Variants in RFTN2 observed in about 807,000 individuals in gnomAD.
RFTN2 encodes raftlin family member 2.
Under a neutral mutation model 52.7 loss-of-function variants are expected in RFTN2, and 34 were observed. The observed-to-expected ratio is 0.64, with a 90% CI of 0.49 to 0.86. The LOEUF is 0.86. Ranked by LOEUF, RFTN2 falls within the 40% of genes least tolerant of loss-of-function variation. RFTN2 has a pLI of 0.00. For missense variants in RFTN2, 536 were observed against 600.1 expected (o/e 0.89, Z 1.12); for synonymous variants, 203 against 217.7 (o/e 0.93, Z 0.59).
chr2:197,574,475 C>T (rs745587727), intron 8 of RFTN2, among the ~76,000 whole-genome samples: 90 of 152,176 alleles, frequency 5.9e-4, no homozygotes, highest in Non-Finnish European at 1.1e-3. Flanking sequence ...TAGGAAGTAA[C>T]TAACCTGCTT....
chr2:197,592,202 A>AT (rs923312117), intron 8 of RFTN2, among the ~76,000 whole-genome samples: 3 of 150,812 alleles, frequency 2.0e-5, no homozygotes, highest in East Asian at 3.9e-4. Flanking sequence ...CAAGAGAAAA[A>AT]TTTTTTTTTT....
chr2:197,656,200 A>G (rs1441019288), intron 1 of RFTN2, among the ~76,000 whole-genome samples: 1 of 152,136 alleles, frequency 6.6e-6, no homozygotes, highest in South Asian at 2.1e-4. Flanking sequence ...AATCCTCCTT[A>G]TATGGTTGTT....
Position 197,646,601 on chromosome 2 carries a change from A to G in RFTN2, c.205T>C (p.Tyr69His). 6.2e-7 allele frequency: 1 copy of G among 1,613,046 alleles called. No individual in the cohort carries two copies. Among genetic ancestry groups the G allele is most frequent in the Non-Finnish European group, 8.5e-7 (1 of 1,178,988 alleles). Reference protein sequence around the residue: ...ILDIVTKVENYYLKGYIVGAI... With the variant: ...ILDIVTKVENHYLKGYIVGAI... ...CCGACAATATATCCTTTAAGATAATAGTTTTCCACTTTTGTTACTATATCC... is the reference window on the plus strand; with the variant it reads ...CCGACAATATATCCTTTAAGATAATGGTTTTCCACTTTTGTTACTATATCC... Residue 69 changes from tyrosine (Y) to histidine (H), a missense_variant, in exon 2 of 9, where the codon TAT (tyrosine) becomes CAT (histidine). Transcript: ENST00000295049.
chr2:197,598,621 C>T (rs1309689489), intron 7 of RFTN2, among the ~76,000 whole-genome samples: 2 of 152,200 alleles, frequency 1.3e-5, no homozygotes, highest in African/African-American at 2.4e-5. Context: ...TGACCTACGG[C>T]AGGCTTTACA....
At chr2:197,586,948 A>T (rs1400637200) in intron 8 of RFTN2, among the ~76,000 whole-genome samples, 1 of 151,900 alleles carries the variant, frequency 6.6e-6, no homozygotes, top group African/African-American at 2.4e-5. Flanking sequence ...GAGCACCAAA[A>T]CTCTCCAACC....
chr2:197,607,252 T>C (rs973680876), intron 7 of RFTN2, among the ~76,000 whole-genome samples: 1 of 152,096 alleles, frequency 6.6e-6, no homozygotes, highest in Non-Finnish European at 1.5e-5. Flanking sequence ...ACACCGCATG[T>C]TCTCACTCAC....
At chr2:197,657,036 A>AT (rs1211942380) in intron 1 of RFTN2, among the ~76,000 whole-genome samples, 2 of 105,800 alleles carry the variant, frequency 1.9e-5, no homozygotes, top group South Asian at 6.6e-4. Flanking sequence ...AAAAAAAAAA[A>AT]TTTTTTTTGG....
At chr2:197,603,894 T>C (rs2087919901) in intron 7 of RFTN2, among the ~76,000 whole-genome samples, 1 of 151,946 alleles carries the variant, frequency 6.6e-6, no homozygotes, top group East Asian at 1.9e-4. Context: ...GCCCCTGCAC[T>C]CCAGTCTGGG....
chr2:197,607,563 T>C (rs904408537), intron 7 of RFTN2, among the ~76,000 whole-genome samples: 1 of 152,054 alleles, frequency 6.6e-6, no homozygotes, highest in Non-Finnish European at 1.5e-5. Context: ...ATTGTTAATT[T>C]GTATTTTATG....
chr2:197,658,732 G>A (rs1055963625), intron 1 of RFTN2, among the ~76,000 whole-genome samples: 1 of 152,156 alleles, frequency 6.6e-6, no homozygotes, highest in African/African-American at 2.4e-5. Flanking sequence ...CAGTTCTTTA[G>A]GGGAAGAAAC....
At chr2:197,604,394 T>A (rs1227400961) in intron 7 of RFTN2, among the ~76,000 whole-genome samples, 1 of 152,136 alleles carries the variant, frequency 6.6e-6, no homozygotes, top group African/African-American at 2.4e-5. Flanking sequence ...GTAGAATGAA[T>A]AAATAAACTG....
At chr2:197,608,297 C>G (rs1008938227) in intron 7 of RFTN2, among the ~76,000 whole-genome samples, 1 of 150,336 alleles carries the variant, frequency 6.7e-6, no homozygotes. Flanking sequence ...CACATCTTGT[C>G]CTTAGGGACC....
chr2:197,612,052 T>G (rs1241630027), intron 7 of RFTN2, among the ~76,000 whole-genome samples: 18 of 152,192 alleles, frequency 1.2e-4, no homozygotes, highest in Non-Finnish European at 1.6e-4. Context: ...AATTTTAGAA[T>G]AAGTGTGATG....
intron 3 of RFTN2, among the ~76,000 whole-genome samples, chr2:197,640,478 G>A (rs1431519988): frequency 1.3e-5 from 2 of 152,086 alleles, no homozygotes; most frequent in Non-Finnish European, 2.9e-5. Context: ...GCAATATTCG[G>A]GTGGGAGTGA....
intron 7 of RFTN2, among the ~76,000 whole-genome samples, chr2:197,602,617 C>T (rs1046930162): frequency 6.6e-6 from 1 of 151,792 alleles, no homozygotes; most frequent in African/African-American, 2.4e-5. Flanking sequence ...TGGCTCACTG[C>T]AACCTCTGTC....
intron 7 of RFTN2, among the ~76,000 whole-genome samples, chr2:197,604,291 C>A (rs1253598185): frequency 1.3e-5 from 2 of 152,160 alleles, no homozygotes; most frequent in African/African-American, 4.8e-5. Flanking sequence ...CATGTGTGCA[C>A]CAAGATCTCT....
intron 8 of RFTN2, among the ~76,000 whole-genome samples, chr2:197,579,029 C>T (rs1259874721): frequency 6.6e-6 from 1 of 152,188 alleles, no homozygotes; most frequent in Non-Finnish European, 1.5e-5. Context: ...CTCTTAATGT[C>T]AGGCCCTTTC....
chr2:197,576,840 G>C (rs2087427930), intron 8 of RFTN2, among the ~76,000 whole-genome samples: 1 of 152,094 alleles, frequency 6.6e-6, no homozygotes, highest in African/African-American at 2.4e-5. Flanking sequence ...TACCGGAGTT[G>C]AGCAAGTTTA....
chr2:197,617,857 T>G lies in RFTN2; in HGVS notation c.993A>C (p.Pro331=). 6.2e-7 allele frequency: 1 copy of G among 1,608,780 alleles called. No individual in the cohort carries two copies. The highest frequency in any genetic ancestry group is 8.5e-7 in the Non-Finnish European group (1 of 1,176,162). ...CATCATTTCCTTTCCTACTAGAACC[T>G]GGAACTCCAGAACCTTCTTCTTCAT... ...FIYEEEGSGV[P]GSSRKGNDAI... is the part of the protein sequence containing the mutation. Residue 331 remains proline, a synonymous_variant, in exon 6 of 9, where the codon CCA becomes CCC. Coordinates refer to ENST00000295049, the MANE Select transcript of RFTN2 (RefSeq NM_144629.3).
Sources: gnomAD v4.1 joint callset for allele counts (sites outside exome capture counted in the v4.1 genomes callset) on GRCh38, gnomAD v4.1.1 for gene constraint, MANE v1.5 for transcripts, NCBI Gene and HGNC (gene_info 2026-07-23, HGNC 2026-07-21) for gene names.